SLC1A1: variants seen among roughly 807,000 people sequenced by gnomAD.
SLC1A1 encodes the protein solute carrier family 1 member 1, also known as excitatory amino acid transporter 3.
A neutral mutation model predicts 53.3 loss-of-function variants in SLC1A1; 43 were observed. That is an observed-to-expected ratio of 0.81 (90% confidence interval 0.63 to 1.04). The LOEUF (loss-of-function observed/expected upper bound fraction) is 1.04, where lower values mean the gene tolerates loss of function less well. SLC1A1 is among the 50% of genes least tolerant of loss of function. The pLI, the probability that SLC1A1 is intolerant of heterozygous loss-of-function variation, is 0.00. For missense variants in SLC1A1, 748 were observed against 664.9 expected (o/e 1.12, Z -1.37); for synonymous variants, 307 against 243.2 (o/e 1.26, Z -2.44).
chr9:4,504,871 A>G (rs1205391008), intron 1 of SLC1A1, among the ~76,000 whole-genome samples: 1 of 152,170 alleles, frequency 6.6e-6, no homozygotes, highest in East Asian at 1.9e-4. Flanking sequence ...TACCTTGAAG[A>G]AGAAACTTGT....
chr9:4,497,069 A>C (rs10814992), intron 1 of SLC1A1, among the ~76,000 whole-genome samples: 2 of 151,686 alleles, frequency 1.3e-5, no homozygotes, highest in Admixed American at 1.3e-4. Flanking sequence ...AGGGTGAAGC[A>C]TTGTATTCCT....
chr9:4,490,900 G>T, intron 1 of SLC1A1, 130 bp downstream of exon 1: 5 of 735,968 alleles, frequency 6.8e-6, no homozygotes, highest in Non-Finnish European at 9.1e-6. Flanking sequence ...CTCGGCCTTA[G>T]CCTCGGGCCC....
intron 2 of SLC1A1, chr9:4,559,658 C>T (rs1818744454): frequency 6.6e-6 from 1 of 152,192 alleles, no homozygotes; most frequent in Non-Finnish European, 1.5e-5. Flanking sequence ...TTGTGACAAC[C>T]TCTTCCTTTT....
intron 1 of SLC1A1, among the ~76,000 whole-genome samples, chr9:4,496,939 T>A (rs1820447222): frequency 6.6e-6 from 1 of 151,946 alleles, no homozygotes; most frequent in African/African-American, 2.4e-5. Context: ...GAGAAAATAA[T>A]GAATGCTGTT....
chr9:4,544,459 T>C, intron 1 of SLC1A1, 108 bp from the exon 2 acceptor site: 5 of 950,188 alleles, frequency 5.3e-6, no homozygotes, highest in Non-Finnish European at 6.8e-6. Context: ...ATCTAAACTA[T>C]TTTTCTTGCC....
intron 1 of SLC1A1, among the ~76,000 whole-genome samples, chr9:4,509,596 A>G (rs1200167289): frequency 6.6e-6 from 1 of 152,038 alleles, no homozygotes; most frequent in Non-Finnish European, 1.5e-5. Context: ...TCTTTCTACC[A>G]TTAAGATCTA....
At chr9:4,581,667 T>C (rs1168486970) in intron 10 of SLC1A1, among the ~76,000 whole-genome samples, 1 of 152,220 alleles carries the variant, frequency 6.6e-6, no homozygotes, top group African/African-American at 2.4e-5. Flanking sequence ...ACTTGGGCTT[T>C]CCAAAGAGTA....
intron 1 of SLC1A1, among the ~76,000 whole-genome samples, chr9:4,495,360 G>A (rs957128658): frequency 3.9e-5 from 6 of 152,156 alleles, no homozygotes; most frequent in Admixed American, 6.5e-5. Context: ...TTCTACAGCC[G>A]GGTCACACAG....
intron 1 of SLC1A1, among the ~76,000 whole-genome samples, chr9:4,522,839 C>T (rs1039473109): frequency 3.9e-5 from 6 of 152,164 alleles, no homozygotes; most frequent in African/African-American, 1.4e-4. Context: ...TCACCTTCCA[C>T]CAGGTCACCT....
At chr9:4,582,976 G>A (rs1387618198) in intron 10 of SLC1A1, 62 bp from the exon 11 acceptor site, 1 of 1,608,882 alleles carries the variant, frequency 6.2e-7, no homozygotes, top group African/African-American at 1.3e-5. Flanking sequence ...AACCATTTCA[G>A]GCCAGGGCTT....
intron 1 of SLC1A1, among the ~76,000 whole-genome samples, chr9:4,535,686 T>C (rs1471497926): frequency 1.6e-4 from 25 of 152,180 alleles, no homozygotes; most frequent in Non-Finnish European, 2.8e-4. Context: ...AATGACTTTC[T>C]TCACAGAATT....
At chr9:4,527,964 C>A (rs970634452) in intron 1 of SLC1A1, among the ~76,000 whole-genome samples, 1 of 152,112 alleles carries the variant, frequency 6.6e-6, no homozygotes, top group Non-Finnish European at 1.5e-5. Context: ...CGAAAGAATA[C>A]CCACCTCTTG....
intron 1 of SLC1A1, among the ~76,000 whole-genome samples, chr9:4,531,777 C>T (rs1349513469): frequency 1.3e-5 from 2 of 152,136 alleles, no homozygotes; most frequent in Non-Finnish European, 2.9e-5. Context: ...GTCCCTGACC[C>T]CCGAGTAGCC....
intron 1 of SLC1A1, among the ~76,000 whole-genome samples, chr9:4,509,373 G>C (rs1274396157): frequency 6.6e-6 from 1 of 152,062 alleles, no homozygotes; most frequent in East Asian, 1.9e-4. Context: ...AGGGTAAAAG[G>C]AATCAGCAAG....
chr9:4,502,456 G>C (rs553547503), intron 1 of SLC1A1, among the ~76,000 whole-genome samples: 18 of 146,350 alleles, frequency 1.2e-4, no homozygotes, highest in Non-Finnish European at 2.2e-4. Context: ...AAGTGAGAGT[G>C]ACATATTTTC....
At chr9:4,543,421 G>T (rs549047587) in intron 1 of SLC1A1, among the ~76,000 whole-genome samples, 1 of 152,276 alleles carries the variant, frequency 6.6e-6, no homozygotes, top group South Asian at 2.1e-4. Context: ...GGGTAAAGCA[G>T]TTAGATGTTA....
chr9:4,567,628 C>G (rs1819613285), intron 5 of SLC1A1, 41 bp from the exon 6 acceptor site: 2 of 1,359,938 alleles, frequency 1.5e-6, no homozygotes, highest in East Asian at 2.3e-5. Context: ...AAAAAAAATT[C>G]TTTTTTTGTT....
intron 1 of SLC1A1, among the ~76,000 whole-genome samples, chr9:4,509,495 G>A (rs559008353): frequency 1.2e-3 from 180 of 151,942 alleles, no homozygotes; most frequent in African/African-American, 4.2e-3. Flanking sequence ...CTGAGTTGTG[G>A]CAGGGAACCA....
chr9:4,526,942 CT>C (rs1369896519), intron 1 of SLC1A1, among the ~76,000 whole-genome samples: 2 of 152,080 alleles, frequency 1.3e-5, no homozygotes, highest in African/African-American at 4.8e-5. Flanking sequence ...GGTAAAGAGA[CT>C]TTTGCAAATG....
Sources: allele counts gnomAD v4.1 joint callset (sites outside exome capture counted in the v4.1 genomes callset), GRCh38; gene constraint gnomAD v4.1.1; transcripts MANE v1.5; gene names NCBI Gene and HGNC (gene_info 2026-07-23, HGNC 2026-07-21).